Variants in WDR76 observed in about 807,000 individuals in gnomAD.
WDR76 encodes the protein WD repeat domain 76.
A neutral mutation model predicts 70.2 loss-of-function variants in WDR76; 52 were observed. The ratio of observed to expected loss-of-function variants is 0.74; its 90% CI spans 0.59 to 0.93. The LOEUF is 0.93. Among genes scored for constraint, WDR76 ranks in the 40% least tolerant of loss-of-function variants. WDR76 has a pLI of 0.00. For missense variants in WDR76, 756 were observed against 760.2 expected (o/e 0.99, Z 0.07); for synonymous variants, 292 against 271.1 (o/e 1.08, Z -0.76).
rs1036074888 is a variant in WDR76, at chr15:43,867,506, A to G, written c.*1114A>G. On this transcript the variant is annotated 3_prime_UTR_variant, in exon 13 of 13. Transcript: ENST00000263795. ...GTATTGTTTGGTAAAACTTAGTTACATATGCATATATATTTGTTAGGTATA... is the reference window on the plus strand; with the variant it reads ...GTATTGTTTGGTAAAACTTAGTTACGTATGCATATATATTTGTTAGGTATA... The G allele has an allele frequency of 5.9e-5, 9 of 151,980 alleles. No homozygotes were observed. Among genetic ancestry groups the G allele is most frequent in the Non-Finnish European group, 7.4e-5 (5 of 68,016 alleles). The allele number at this position is 151,980 out of a possible 1,614,324, so 9.4% of individuals were successfully genotyped here. A position where few individuals can be genotyped will look rare whatever the true frequency, so the allele number is the denominator to read the frequency against.
chr15:43,858,275 A>G (rs1240398690), intron 10 of WDR76, among the ~76,000 whole-genome samples: 1 of 146,798 alleles, frequency 6.8e-6, no homozygotes, highest in African/African-American at 2.6e-5. Flanking sequence ...TTTGTTTGAA[A>G]TGGAGTTTTG....
chr15:43,841,941 C>T (rs868130815), intron 5 of WDR76, among the ~76,000 whole-genome samples: 1 of 152,074 alleles, frequency 6.6e-6, no homozygotes, highest in South Asian at 2.1e-4. Flanking sequence ...AGTCTTGGCT[C>T]ACTGCAACCT....
At chr15:43,845,056 G>C (rs1013796730) in intron 8 of WDR76, among the ~76,000 whole-genome samples, 7 of 143,702 alleles carry the variant, frequency 4.9e-5, no homozygotes, top group Admixed American at 1.4e-4. Flanking sequence ...CCGCCTCTCA[G>C]GTTCACGCCA....
intron 6 of WDR76, 36 bp downstream of exon 6, chr15:43,842,552 T>C (rs1425945798): frequency 6.2e-7 from 1 of 1,602,286 alleles, no homozygotes; most frequent in East Asian, 2.2e-5. Flanking sequence ...TTTAGAATCA[T>C]CTGTTAAGGA....
chr15:43,842,225 GTTA>G (rs1053237860), intron 5 of WDR76, among the ~76,000 whole-genome samples, 187 bp from the exon 6 acceptor site: 1 of 152,106 alleles, frequency 6.6e-6, no homozygotes, highest in Admixed American at 6.6e-5. Context: ...GATAATACAT[GTTA>G]TTATTACTTT....
chr15:43,841,514 A>G (rs1013109592), intron 5 of WDR76, among the ~76,000 whole-genome samples: 1 of 151,876 alleles, frequency 6.6e-6, no homozygotes, highest in African/African-American at 2.4e-5. Flanking sequence ...TAATTTTTGT[A>G]TTTTTAGTAG....
intron 2 of WDR76, among the ~76,000 whole-genome samples, chr15:43,834,450 G>T (rs1173760098): frequency 6.7e-6 from 1 of 149,184 alleles, no homozygotes; most frequent in Non-Finnish European, 1.5e-5. Flanking sequence ...ACAGGCTCCT[G>T]CCACTATACC....
intron 5 of WDR76, among the ~76,000 whole-genome samples, chr15:43,841,660 A>T (rs1272118977): frequency 6.6e-6 from 1 of 151,992 alleles, no homozygotes; most frequent in East Asian, 1.9e-4. Context: ...TTCTATTCTC[A>T]TTCACTACAA....
At chr15:43,833,735 CA>C (rs1295996915) in intron 2 of WDR76, among the ~76,000 whole-genome samples, 1 of 151,962 alleles carries the variant, frequency 6.6e-6, no homozygotes, top group Non-Finnish European at 1.5e-5. Flanking sequence ...CTCCCGGGTT[CA>C]AGCAATTCTT....
chr15:43,828,268 A>G lies in WDR76; in HGVS notation c.364A>G (p.Lys122Glu). 3 of 1,614,214 alleles carry G rather than the reference A, an allele frequency of 1.9e-6. No homozygotes were observed. The highest frequency in any genetic ancestry group is 2.5e-6 in the Non-Finnish European group (3 of 1,180,038). ...CTCAGCTGTTCATACTGAAAGTAAC[A>G]AGCTACAACCCAAGAGAACGGCAGA... ...SSSAVHTESN[K>E]LQPKRTADAM... is the part of the protein sequence containing the mutation. Residue 122 changes from lysine (K) to glutamate (E), a missense_variant, in exon 2 of 13, where the codon AAG (lysine) becomes GAG (glutamate). By Grantham distance (56) the Lys-to-Glu change is moderately conservative. Transcript: ENST00000263795.
chr15:43,841,418 C>T (rs1050740079), intron 5 of WDR76, among the ~76,000 whole-genome samples: 2 of 151,948 alleles, frequency 1.3e-5, no homozygotes, highest in African/African-American at 4.8e-5. Context: ...AGGATGGTCT[C>T]AATCTGACCT....
chr15:43,855,216 A>G (rs2087913813), intron 9 of WDR76, among the ~76,000 whole-genome samples: 1 of 152,244 alleles, frequency 6.6e-6, no homozygotes, highest in South Asian at 2.1e-4. Flanking sequence ...CTGACTAAAC[A>G]GTTACCTTAT....
chr15:43,853,432 C>A (rs2087888220), intron 9 of WDR76, among the ~76,000 whole-genome samples: 1 of 152,056 alleles, frequency 6.6e-6, no homozygotes, highest in Admixed American at 6.6e-5. Context: ...CTCAAGTGAT[C>A]TGCCCACCTT....
Position 43,840,781 on chromosome 15 carries a change from C to A in WDR76, c.732+1053C>A, listed in dbSNP as rs182044550. On this transcript the variant is annotated intron_variant, in intron 5 of 12. Coordinates refer to ENST00000263795, the MANE Select transcript of WDR76 (RefSeq NM_024908.4). Reference sequence around the variant, plus strand: ...ATCGCTTGAACCCAGAAGTTTGAGACCAGCCTAGGCAACATCAAGAGACCC... The same window carrying A: ...ATCGCTTGAACCCAGAAGTTTGAGAACAGCCTAGGCAACATCAAGAGACCC... Among the ~76,000 whole-genome samples, 34 of 152,046 alleles carry A rather than the reference C, an allele frequency of 2.2e-4. No homozygotes were observed. In the East Asian group the frequency reaches 5.2e-3, roughly 23 times the overall value.
At chr15:43,849,716 T>G (rs2087832926) in intron 8 of WDR76, among the ~76,000 whole-genome samples, 1 of 152,146 alleles carries the variant, frequency 6.6e-6, no homozygotes, top group South Asian at 2.1e-4. Context: ...TTTTGTATTT[T>G]TAGTAGAGAC....
chr15:43,828,003 G>C lies in WDR76; in HGVS notation c.99G>C (p.Val33=), dbSNP rs2087538120. The C allele has an allele frequency of 6.2e-7, 1 of 1,609,364 alleles. No homozygotes were observed. The highest frequency in any genetic ancestry group is 1.3e-5 in the African/African-American group (1 of 74,610). Residue 33 remains valine, a synonymous_variant, in exon 2 of 13, where the codon GTG becomes GTC. Coordinates refer to ENST00000263795, the MANE Select transcript of WDR76 (RefSeq NM_024908.4). ...EYKENQNIAY[V]SLRPAQTTVL... ...AAGAAAATCAAAACATCGCTTATGT[G>C]TCTCTGAGACCAGCACAGACTACAG...
intron 12 of WDR76, among the ~76,000 whole-genome samples, chr15:43,861,795 T>G (rs1187815380): frequency 6.6e-6 from 1 of 152,114 alleles, no homozygotes; most frequent in Non-Finnish European, 1.5e-5. Context: ...TTTCTTTGAT[T>G]ATACTCTTGC....
intron 7 of WDR76, among the ~76,000 whole-genome samples, chr15:43,843,013 CTT>C (rs370773260): frequency 2.6e-4 from 31 of 119,888 alleles, no homozygotes; most frequent in African/African-American, 4.8e-4. Context: ...TTTTCTTTTT[CTT>C]TTTTTTTTTT....
intron 8 of WDR76, among the ~76,000 whole-genome samples, chr15:43,845,257 A>G (rs1567186885): frequency 6.7e-6 from 1 of 150,024 alleles, no homozygotes. Context: ...CCCGAAGTTT[A>G]GTTTTCTAGT....
Sources: allele counts gnomAD v4.1 joint callset (sites outside exome capture counted in the v4.1 genomes callset), GRCh38; gene constraint gnomAD v4.1.1; transcripts MANE v1.5; gene names NCBI Gene and HGNC (gene_info 2026-07-23, HGNC 2026-07-21).